Variants in SNUPN observed in about 807,000 individuals in gnomAD.
SNUPN encodes the protein snurportin-1.
SNUPN carries 31 observed loss-of-function variants against 39.2 expected under a neutral mutation model. The ratio of observed to expected loss-of-function variants is 0.79; its 90% CI spans 0.59 to 1.07. The LOEUF is 1.07. SNUPN is among the 50% of genes least tolerant of loss of function. The pLI is 0.00. For synonymous variants in SNUPN, 132 were observed against 159.0 expected (o/e 0.83, Z 1.28); for missense variants, 382 against 434.2 (o/e 0.88, Z 1.07).
chr15:75,603,479 G>A (rs896934313), intron 7 of SNUPN, among the ~76,000 whole-genome samples: 2 of 148,898 alleles, frequency 1.3e-5, no homozygotes, highest in Non-Finnish European at 3.0e-5. Context: ...TGCTAACACA[G>A]TGAAACCCCG....
Position 75,598,490 on chromosome 15 carries a change from C to T in SNUPN, c.951G>A (p.Lys317=), listed in dbSNP as rs2075259489. The T allele has an allele frequency of 6.2e-7, 1 of 1,614,084 alleles. No individual in the cohort carries two copies. Among genetic ancestry groups the T allele is most frequent in the African/African-American group, 1.3e-5 (1 of 74,918 alleles). Residue 317 remains lysine (K), a synonymous_variant, in exon 9 of 9, where the codon AAG becomes AAA. Transcript: ENST00000308588. ...QQIMEHKKSQ[K]EGMKEKLTHK... is the part of the protein sequence containing the mutation. ...GTGTGAGTTTCTCCTTCATGCCTTC[C>T]TTCTGGCTCTTCTTGTGCTCCATAA...
intron 2 of SNUPN, among the ~76,000 whole-genome samples, chr15:75,619,791 C>T (rs1040939102): frequency 6.6e-6 from 1 of 152,020 alleles, no homozygotes; most frequent in Admixed American, 6.6e-5. Flanking sequence ...CTGTGTTGCC[C>T]AGGCTGGAGT....
chr15:75,614,237 G>A (rs2141372825), intron 3 of SNUPN, among the ~76,000 whole-genome samples: 1 of 152,286 alleles, frequency 6.6e-6, no homozygotes, highest in East Asian at 1.9e-4. Flanking sequence ...GTTGCAGTAA[G>A]CCAAGAACAT....
intron 2 of SNUPN, among the ~76,000 whole-genome samples, 154 bp downstream of exon 2, chr15:75,620,740 G>A (rs984003636): frequency 6.6e-6 from 1 of 152,120 alleles, no homozygotes; most frequent in East Asian, 1.9e-4. Flanking sequence ...ACCTACCTCT[G>A]CCAGGATTTA....
At chr15:75,603,383 C>T (rs1375022129) in intron 7 of SNUPN, among the ~76,000 whole-genome samples, 6 of 147,528 alleles carry the variant, frequency 4.1e-5, no homozygotes, top group Admixed American at 1.3e-4. Flanking sequence ...TTCACTGGGC[C>T]GGGTGCAGTG....
chr15:75,605,691 T>C (rs2075325877), intron 6 of SNUPN, among the ~76,000 whole-genome samples: 1 of 152,238 alleles, frequency 6.6e-6, no homozygotes, highest in African/African-American at 2.4e-5. Context: ...TATTTGGTTT[T>C]AGTTACCAAA....
At chr15:75,608,753 G>A (rs1892694245) in intron 5 of SNUPN, among the ~76,000 whole-genome samples, 1 of 152,186 alleles carries the variant, frequency 6.6e-6, no homozygotes, top group South Asian at 2.1e-4. Context: ...AGGCCTCATG[G>A]GGCTGCATTT....
At chr15:75,615,181 C>T (rs1469173711) in intron 3 of SNUPN, among the ~76,000 whole-genome samples, 2 of 152,122 alleles carry the variant, frequency 1.3e-5, no homozygotes, top group Non-Finnish European at 2.9e-5. Flanking sequence ...ACACCCATCA[C>T]ACCTGGCTAA....
chr15:75,616,938 C>T (rs1892954213), intron 3 of SNUPN, among the ~76,000 whole-genome samples: 1 of 152,194 alleles, frequency 6.6e-6, no homozygotes, highest in Non-Finnish European at 1.5e-5. Flanking sequence ...TCCCACTTGC[C>T]ACCACCTGAG....
At position 75,598,348 on chromosome 15, in the gene SNUPN, G is replaced by T. The variant is rs1128585; in HGVS notation, c.*10C>A. 0.22 allele frequency: 359,000 copies of T among 1,603,304 alleles called. 45,754 individuals are homozygous for T. The highest frequency in any genetic ancestry group is 0.26 in the Non-Finnish European group (306,337 of 1,172,250). On this transcript the variant is annotated 3_prime_UTR_variant, in exon 9 of 9. Transcript: ENST00000308588. ...TACCATCCTGTGGCTCCTTAAGGAG[G>T]CTTCTCTCTTTAATTCTCCATGAGG...
rs1168617150 is a variant in SNUPN at position 75,616,876 on chromosome 15, G to A, written c.303+532C>T. 2.6e-5 allele frequency among the ~76,000 whole-genome samples: 4 copies of A among 152,196 alleles called. No individual in the cohort carries two copies. The East Asian group carries it at 7.7e-4, about 29-fold the overall frequency. Reference sequence around the variant, plus strand: ...GGCCTGAACCTCACCTTGGCCAGCTGGCTGGTCTGGGGTGGCTGGGCAGGC... The same window carrying A: ...GGCCTGAACCTCACCTTGGCCAGCTAGCTGGTCTGGGGTGGCTGGGCAGGC... On this transcript the variant is annotated intron_variant, in intron 3 of 8. Transcript: ENST00000308588.
At chr15:75,598,945 T>C (rs981064372) in intron 8 of SNUPN, among the ~76,000 whole-genome samples, 4 of 152,102 alleles carry the variant, frequency 2.6e-5, no homozygotes, top group Non-Finnish European at 1.5e-5. Context: ...GGCAGGCAGA[T>C]TGCTTGAGCT....
upstream of SNUPN, chr15:75,626,170 C>A (rs570721432): frequency 6.6e-6 from 1 of 152,426 alleles, no homozygotes; most frequent in Admixed American, 6.5e-5. Flanking sequence ...TCCAACTAAC[C>A]CCTCACACCC....
chr15:75,620,081 A>C (rs1893031149), intron 2 of SNUPN, among the ~76,000 whole-genome samples: 1 of 152,152 alleles, frequency 6.6e-6, no homozygotes, highest in South Asian at 2.1e-4. Context: ...CAACCATACA[A>C]ATGTATTACC....
intron 1 of SNUPN, among the ~76,000 whole-genome samples, chr15:75,623,987 G>A (rs1893147425): frequency 6.9e-6 from 1 of 145,268 alleles, no homozygotes; most frequent in Non-Finnish European, 1.5e-5. Flanking sequence ...GAGTGCAGTG[G>A]CGGGATCTCG....
intron 6 of SNUPN, among the ~76,000 whole-genome samples, chr15:75,606,593 A>G (rs1473470457): frequency 1.3e-5 from 2 of 152,170 alleles, no homozygotes; most frequent in East Asian, 3.8e-4. Context: ...GCCTCACCTG[A>G]TGACTGCTGC....
intron 7 of SNUPN, among the ~76,000 whole-genome samples, chr15:75,602,039 A>G (rs1324318320): frequency 6.6e-6 from 1 of 152,024 alleles, no homozygotes; most frequent in Non-Finnish European, 1.5e-5. Context: ...CACTGTACCC[A>G]GCCCCAACCT....
intron 5 of SNUPN, among the ~76,000 whole-genome samples, chr15:75,609,146 A>C (rs1295902769): frequency 6.6e-6 from 1 of 151,296 alleles, no homozygotes; most frequent in African/African-American, 2.4e-5. Flanking sequence ...ACAAAAAAAA[A>C]AAACAAAGAT....
chr15:75,618,557 T>C (rs575142392), intron 2 of SNUPN, among the ~76,000 whole-genome samples: 3 of 152,348 alleles, frequency 2.0e-5, no homozygotes, highest in African/African-American at 7.2e-5. Flanking sequence ...TGGAACCTAA[T>C]TGTTTCAAAG....
Sources: allele counts gnomAD v4.1 joint callset (sites outside exome capture counted in the v4.1 genomes callset), GRCh38; gene constraint gnomAD v4.1.1; transcripts MANE v1.5; gene names NCBI Gene and HGNC (gene_info 2026-07-23, HGNC 2026-07-21).